C5orf47: variants seen among roughly 807,000 people sequenced by gnomAD.
C5orf47 encodes the protein chromosome 5 open reading frame 47, also known as uncharacterized protein C5orf47.
A neutral mutation model predicts 20.6 loss-of-function variants in C5orf47; 20 were observed. That is an observed-to-expected ratio of 0.97 (90% CI 0.68 to 1.41). The LOEUF is 1.41. Ranked by LOEUF, C5orf47 falls within the 40% of genes most tolerant of loss-of-function variation. The pLI is 0.00. For synonymous variants in C5orf47, 106 were observed against 97.3 expected, an observed-to-expected ratio of 1.09 and a Z score of -0.53; for missense variants, 262 against 238.4, an observed-to-expected ratio of 1.10 and a Z score of -0.65.
At chr5:173,992,368 T>C (rs575441202) in intron 1 of C5orf47, among the ~76,000 whole-genome samples, 2 of 152,156 alleles carry the variant, frequency 1.3e-5, no homozygotes, top group East Asian at 1.9e-4. Flanking sequence ...AGCTATGATA[T>C]GGCCTTCAGC....
downstream of C5orf47, among the ~76,000 whole-genome samples, chr5:174,008,951 A>G (rs77570924): frequency 1.3e-5 from 2 of 152,316 alleles, no homozygotes; most frequent in Non-Finnish European, 2.9e-5. Flanking sequence ...ATAGGATTCT[A>G]TCAGACTTAC....
intron 1 of C5orf47, among the ~76,000 whole-genome samples, chr5:173,995,636 C>T (rs554544381): frequency 2.0e-5 from 3 of 152,236 alleles, no homozygotes; most frequent in East Asian, 1.9e-4. Context: ...GCACAGTGTT[C>T]GGCATAGAAT....
chr5:173,996,933 C>T (rs912883122), intron 1 of C5orf47, among the ~76,000 whole-genome samples: 5 of 152,134 alleles, frequency 3.3e-5, no homozygotes, highest in African/African-American at 4.8e-5. Flanking sequence ...ATGAGTTTCT[C>T]ACCATATGAG....
At position 174,004,593 on chromosome 5, in the gene C5orf47, T is replaced by C. The variant is rs1759254814; in HGVS notation, c.*339T>C. On this transcript the variant is annotated 3_prime_UTR_variant, in exon 5 of 5. Coordinates refer to ENST00000340147, the MANE Select transcript of C5orf47 (RefSeq NM_001144954.2). The stretch of plus-strand genomic sequence containing the variant: ...TTGCATGAATTTTATAATTACCAGC[T>C]TTTCCATTTTATTAATGAGTCTACA... The C allele has an allele frequency of 6.6e-6, 1 of 152,308 alleles. No individual in the cohort carries two copies. Among genetic ancestry groups the C allele is most frequent in the Non-Finnish European group, 1.5e-5 (1 of 67,998 alleles). 9.4% of individuals were successfully genotyped at this position (152,308 alleles called of 1,614,324 possible).
At chr5:173,998,478 A>G (rs1759138989) in intron 2 of C5orf47, among the ~76,000 whole-genome samples, 1 of 152,240 alleles carries the variant, frequency 6.6e-6, no homozygotes, top group African/African-American at 2.4e-5. Context: ...CATTTTAATC[A>G]AAGTGTAACC....
At chr5:173,993,653 G>GAA (rs1398294477) in intron 1 of C5orf47, among the ~76,000 whole-genome samples, 1 of 151,780 alleles carries the variant, frequency 6.6e-6, no homozygotes. Context: ...AAAAAGAAAA[G>GAA]AAAAAAGAAA....
chr5:174,001,359 A>G, intron 4 of C5orf47, 128 bp downstream of exon 4: 1 of 613,610 alleles, frequency 1.6e-6, no homozygotes. Context: ...TTTCTTAAAT[A>G]CAGTGTTTGG....
chr5:173,997,935 G>A (rs1376080404), intron 1 of C5orf47, among the ~76,000 whole-genome samples: 3 of 152,110 alleles, frequency 2.0e-5, no homozygotes, highest in Non-Finnish European at 4.4e-5. Context: ...GAACTAGCTG[G>A]ATGGTTTTCT....
At chr5:173,997,963 T>C (rs569996814) in intron 1 of C5orf47, among the ~76,000 whole-genome samples, 190 bp from the exon 2 acceptor site, 33 of 152,270 alleles carry the variant, frequency 2.2e-4, no homozygotes, top group African/African-American at 7.9e-4. Context: ...TGCCAGATTA[T>C]GTCTAGTTTT....
intron 4 of C5orf47, among the ~76,000 whole-genome samples, chr5:174,003,884 A>G (rs1308999279): frequency 6.6e-6 from 1 of 152,170 alleles, no homozygotes; most frequent in African/African-American, 2.4e-5. Flanking sequence ...TCATCTAGGA[A>G]CATTTGAAAA....
intron 1 of C5orf47, 23 bp downstream of exon 1, chr5:173,989,611 G>A: frequency 7.2e-7 from 1 of 1,395,978 alleles, no homozygotes; most frequent in Non-Finnish European, 9.3e-7. Context: ...GGCAGGGCGG[G>A]ACCGGGCGCG....
chr5:174,001,474 CCTT>C (rs755863988), intron 4 of C5orf47, among the ~76,000 whole-genome samples: 11 of 152,014 alleles, frequency 7.2e-5, no homozygotes, highest in South Asian at 2.1e-4. Context: ...CCATGTTTTT[CCTT>C]CTTCTTCTTT....
In C5orf47 at chr5:174,004,557, T is replaced by A. The variant is rs1246913726; in HGVS notation, c.*303T>A. ...CCTCATACATAAAATTAAATTAGCA[T>A]ATCAATGCAATTGCATGAATTTTAT... On this transcript the variant is annotated 3_prime_UTR_variant, in exon 5 of 5. Transcript: ENST00000340147. The A allele has an allele frequency of 5.3e-5, 8 of 152,320 alleles. No homozygotes were observed. Among genetic ancestry groups the A allele is most frequent in the Non-Finnish European group, 1.2e-4 (8 of 68,014 alleles). 9.4% of individuals were successfully genotyped at this position (152,320 alleles called of 1,614,324 possible).
chr5:173,993,958 A>G (rs188179017), intron 1 of C5orf47, among the ~76,000 whole-genome samples: 11 of 152,218 alleles, frequency 7.2e-5, no homozygotes, highest in African/African-American at 1.9e-4. Context: ...TTCCTGTAGT[A>G]TAAAAGTCCA....
intron 1 of C5orf47, among the ~76,000 whole-genome samples, chr5:173,989,991 C>A (rs1010513600): frequency 3.9e-5 from 6 of 152,188 alleles, no homozygotes; most frequent in Non-Finnish European, 7.4e-5. Flanking sequence ...GTCTTCAATT[C>A]AAAAATTATC....
rs1217652997 is a variant in C5orf47 at position 174,001,072 on chromosome 5, T to C, written c.512-124T>C. 6 of 693,332 alleles carry C rather than the reference T, an allele frequency of 8.7e-6. No homozygotes were observed. The African/African-American group carries it at 1.1e-4, about 13-fold the overall frequency. The allele number at this position is 693,332 out of a possible 1,614,324, so 42.9% of individuals were successfully genotyped here. On this transcript the variant is annotated intron_variant, in intron 3 of 4. Coordinates refer to ENST00000340147, the MANE Select transcript of C5orf47 (RefSeq NM_001144954.2). The stretch of plus-strand genomic sequence containing the variant: ...GTTAAACTACATTACAGAACTTCTT[T>C]ATAAAACTAATAATTATGTTTAAAA...
downstream of C5orf47, among the ~76,000 whole-genome samples, chr5:174,006,723 A>AT (rs1759298469): frequency 6.6e-6 from 1 of 152,086 alleles, no homozygotes; most frequent in Non-Finnish European, 1.5e-5. Flanking sequence ...GCAGCATTTT[A>AT]TTTTAGGGAG....
Position 173,989,565 on chromosome 5 carries a change from G to A in C5orf47, c.302G>A (p.Gly101Asp). The A allele has an allele frequency of 1.3e-5, 19 of 1,480,020 alleles. No individual in the cohort carries two copies. Among genetic ancestry groups the A allele is most frequent in the Non-Finnish European group, 1.7e-5 (19 of 1,114,546 alleles). 91.7% of individuals were successfully genotyped at this position (1,480,020 alleles called of 1,614,324 possible). ...CTGCGGGCATCGAGAGTTCAGAGCGGCACCAGACAGTCGGCGCGTGCAGGT... is the reference window on the plus strand; with the variant it reads ...CTGCGGGCATCGAGAGTTCAGAGCGACACCAGACAGTCGGCGCGTGCAGGT... ...SQLRASRVQS[G>D]TRQSARAGLI... is the part of the protein sequence containing the mutation. The change falls in exon 1 of 5, where the codon GGC (glycine) becomes GAC (aspartate). Residue 101 changes from glycine to aspartate, a missense_variant. Coordinates refer to ENST00000340147, the MANE Select transcript of C5orf47 (RefSeq NM_001144954.2).
chr5:174,006,229 C>G (rs1393225046), downstream of C5orf47: 1 of 152,334 alleles, frequency 6.6e-6, no homozygotes, highest in African/African-American at 2.4e-5. Flanking sequence ...AAATCTATAT[C>G]TGACTCTTTC....
Sources: allele counts gnomAD v4.1 joint callset (sites outside exome capture counted in the v4.1 genomes callset), GRCh38; gene constraint gnomAD v4.1.1; transcripts MANE v1.5; gene names NCBI Gene and HGNC (gene_info 2026-07-23, HGNC 2026-07-21).